MCM5: variants seen among roughly 807,000 people sequenced by gnomAD.
The protein encoded by MCM5 is DNA replication licensing factor MCM5.
A neutral mutation model predicts 79.9 loss-of-function variants in MCM5; 46 were observed. The observed-to-expected ratio is 0.58, with a 90% CI of 0.45 to 0.74. MCM5 has a LOEUF of 0.74. MCM5 is among the 30% of genes least tolerant of loss of function. MCM5 has a pLI of 0.00. For missense variants in MCM5, 883 were observed against 1,017.0 expected (o/e 0.87, Z 1.79); for synonymous variants, 404 against 390.5 (o/e 1.03, Z -0.41).
the MCM5 span, among the ~76,000 whole-genome samples, chr22:35,432,291 T>A: frequency 6.6e-6 from 1 of 152,154 alleles, no homozygotes; most frequent in African/African-American, 2.4e-5. Flanking sequence ...CTCTGTGATA[T>A]TTCAAGAGAT....
At chr22:35,453,534 CAG>C in the MCM5 span, among the ~76,000 whole-genome samples, 2 of 140,644 alleles carry the variant, frequency 1.4e-5, no homozygotes, top group East Asian at 4.2e-4. Flanking sequence ...CAGAAAGGGG[CAG>C]AGATAGAGAC....
chr22:35,402,331 G>GT lies in MCM5; in HGVS notation c.168-863dup, dbSNP rs1196712784. On this transcript the variant is annotated intron_variant, in intron 2 of 16. Coordinates refer to ENST00000216122, the MANE Select transcript of MCM5 (RefSeq NM_006739.4). ...CAGTTTTTTTGTTGTTTTGTTTTTTGTTTTTTTTTTTTTGAGATGGAGTCT... is the reference window on the plus strand; with the variant it reads ...CAGTTTTTTTGTTGTTTTGTTTTTTGTTTTTTTTTTTTTTGAGATGGAGTCT... 9.2e-3 allele frequency among the ~76,000 whole-genome samples: 1,298 copies of GT among 141,758 alleles called. 14 individuals carry two copies. The highest frequency in any genetic ancestry group is 0.024 in the African/African-American group (946 of 38,966). 93.0% of individuals were successfully genotyped at this position (141,758 alleles called of 152,430 possible). A position where few individuals can be genotyped will look rare whatever the true frequency, so the allele number is the denominator to read the frequency against.
At chr22:35,437,201 CG>C in the MCM5 span, among the ~76,000 whole-genome samples, 39 of 146,546 alleles carry the variant, frequency 2.7e-4, no homozygotes, top group African/African-American at 9.8e-4. Flanking sequence ...GGCAGTGCCC[CG>C]AACATACTGG....
chr22:35,425,924 G>A (rs1428735857), downstream of MCM5, among the ~76,000 whole-genome samples: 1 of 152,136 alleles, frequency 6.6e-6, no homozygotes, highest in African/African-American at 2.4e-5. Flanking sequence ...GTGAGGGAGT[G>A]CAGGGCAGGC....
At chr22:35,409,438 G>A (rs550398727) in intron 6 of MCM5, 67 of 152,362 alleles carry the variant, frequency 4.4e-4, no homozygotes, top group African/African-American at 1.5e-3. Context: ...GCTGGGTGTT[G>A]GGGCAGACAC....
the MCM5 span, among the ~76,000 whole-genome samples, chr22:35,433,114 C>T: frequency 6.6e-6 from 1 of 151,978 alleles, no homozygotes; most frequent in African/African-American, 2.4e-5. Flanking sequence ...TCTTAATTTT[C>T]TTGTAGAGAC....
downstream of MCM5, among the ~76,000 whole-genome samples, chr22:35,430,344 C>A (rs996258892): frequency 6.6e-6 from 1 of 152,196 alleles, no homozygotes; most frequent in African/African-American, 2.4e-5. Context: ...TAGGAAGATA[C>A]AGTGAAATAA....
In MCM5 at chr22:35,413,993, G is replaced by A. The variant is rs1932464747; in HGVS notation, c.1203+7G>A. 7 of 1,599,688 alleles carry A rather than the reference G, an allele frequency of 4.4e-6. No individual in the cohort carries two copies. Among genetic ancestry groups the A allele is most frequent in the African/African-American group, 1.3e-5 (1 of 74,622 alleles). On this transcript the variant is annotated splice_region_variant and intron_variant, in intron 9 of 16. Transcript: ENST00000216122. The stretch of plus-strand genomic sequence containing the variant: ...GAAGTGTTCTCCCATTGGGGTGAGT[G>A]GCCTGGGATACCTTTGCCACCTTGG...
Position 35,421,162 on chromosome 22 carries a change from A to G in MCM5, c.1833-156A>G, listed in dbSNP as rs369689938. 1.5e-3 allele frequency among the ~76,000 whole-genome samples: 229 copies of G among 149,072 alleles called. 1 individual carries two copies. The highest frequency in any genetic ancestry group is 6.9e-3 in the East Asian group (35 of 5,082). On this transcript the variant is annotated intron_variant, in intron 14 of 16. Transcript: ENST00000216122. ...AAAAAAAAAAAAAAATTGCAGTTCTATGACTAAGATCAAAAGGGAGATGGA... is the reference window on the plus strand; with the variant it reads ...AAAAAAAAAAAAAAATTGCAGTTCTGTGACTAAGATCAAAAGGGAGATGGA...
chr22:35,414,073 G>A (rs1162712449), intron 9 of MCM5, 87 bp downstream of exon 9: 1 of 809,568 alleles, frequency 1.2e-6, no homozygotes, highest in East Asian at 2.6e-5. Flanking sequence ...GACACCTGTG[G>A]TGGGCTGGCT....
chr22:35,423,394 G>T (rs1224438834), intron 16 of MCM5, 53 bp downstream of exon 16: 5 of 1,535,760 alleles, frequency 3.3e-6, no homozygotes, highest in South Asian at 1.2e-5. Flanking sequence ...CAGGTCTTCT[G>T]CTGGTTCCCA....
the MCM5 span, among the ~76,000 whole-genome samples, chr22:35,451,149 A>C: frequency 6.6e-6 from 1 of 152,168 alleles, no homozygotes; most frequent in Non-Finnish European, 1.5e-5. Context: ...ACCTTGGGCC[A>C]ACAATAGATG....
chr22:35,444,538 G>C, the MCM5 span, among the ~76,000 whole-genome samples: 2 of 152,190 alleles, frequency 1.3e-5, no homozygotes, highest in Admixed American at 6.5e-5. Flanking sequence ...GAGCCCCTGT[G>C]GCCTGTGACT....
the MCM5 span, among the ~76,000 whole-genome samples, chr22:35,451,755 G>A: frequency 1.3e-5 from 2 of 152,246 alleles, no homozygotes; most frequent in Non-Finnish European, 2.9e-5. Context: ...TTTGTTAGCA[G>A]CGGTTCCTGA....
chr22:35,431,528 C>G, the MCM5 span, among the ~76,000 whole-genome samples: 2 of 152,222 alleles, frequency 1.3e-5, no homozygotes, highest in African/African-American at 2.4e-5. Context: ...CCCCTTCTCT[C>G]TGACCGTCCC....
chr22:35,400,834 A>AT (rs1394567279), intron 2 of MCM5, among the ~76,000 whole-genome samples: 1 of 152,078 alleles, frequency 6.6e-6, no homozygotes, highest in Non-Finnish European at 1.5e-5. Context: ...TTTGTTTATT[A>AT]TTTTGAGACG....
At chr22:35,443,109 C>G in the MCM5 span, among the ~76,000 whole-genome samples, 5 of 152,348 alleles carry the variant, frequency 3.3e-5, no homozygotes, top group South Asian at 4.1e-4. Context: ...AGCCCCGCAC[C>G]TTCCTCGCCA....
intron 13 of MCM5, 25 bp from the exon 14 acceptor site, chr22:35,419,859 C>G: frequency 6.3e-7 from 1 of 1,591,760 alleles, no homozygotes; most frequent in Non-Finnish European, 8.6e-7. Flanking sequence ...TGGCCTCACA[C>G]CAGCCTCTCC....
At chr22:35,420,358 C>T (rs972441100) in intron 14 of MCM5, among the ~76,000 whole-genome samples, 2 of 152,220 alleles carry the variant, frequency 1.3e-5, no homozygotes, top group Non-Finnish European at 2.9e-5. Context: ...AAATTACATT[C>T]CTTCTCTGGC....
Sources: allele counts gnomAD v4.1 joint callset (sites outside exome capture counted in the v4.1 genomes callset), GRCh38; gene constraint gnomAD v4.1.1; transcripts MANE v1.5; gene names NCBI Gene and HGNC (gene_info 2026-07-23, HGNC 2026-07-21).